CAB39: variants seen among roughly 807,000 people sequenced by gnomAD.
CAB39 encodes the protein calcium-binding protein 39.
In CAB39, 8 loss-of-function variants were observed where a neutral mutation model predicts 40.0. The observed-to-expected ratio is 0.20, with a 90% CI of 0.12 to 0.36. CAB39 has a LOEUF of 0.36. Among genes scored for constraint, CAB39 ranks in the 10% least tolerant of loss-of-function variants. CAB39 has a pLI of 1.00. For synonymous variants in CAB39, 156 were observed against 141.6 expected, an observed-to-expected ratio of 1.10 and a Z score of -0.72; for missense variants, 270 against 401.1, an observed-to-expected ratio of 0.67 and a Z score of 2.79.
At chr2:230,773,788 T>C (rs73995145) in intron 2 of CAB39, among the ~76,000 whole-genome samples, 9,058 of 152,148 alleles carry the variant, frequency 0.06, 911 homozygotes, top group African/African-American at 0.2. Context: ...TGGCAGGAGG[T>C]AGAATTCAGA....
chr2:230,771,165 GAC>G (rs1695476357), intron 2 of CAB39, among the ~76,000 whole-genome samples: 1 of 152,132 alleles, frequency 6.6e-6, no homozygotes, highest in South Asian at 2.1e-4. Flanking sequence ...ACAACTAGTA[GAC>G]TAGTAAATAA....
At chr2:230,787,849 A>G (rs1227702470) in intron 2 of CAB39, among the ~76,000 whole-genome samples, 1 of 152,210 alleles carries the variant, frequency 6.6e-6, no homozygotes, top group Non-Finnish European at 1.5e-5. Flanking sequence ...TGTGGAAGAG[A>G]AGTTAAAATA....
intron 2 of CAB39, among the ~76,000 whole-genome samples, chr2:230,786,423 C>T (rs1026651224): frequency 2.0e-5 from 3 of 152,108 alleles, no homozygotes; most frequent in Non-Finnish European, 4.4e-5. Flanking sequence ...ATAGTTCACC[C>T]ATTTGAAGGG....
chr2:230,751,171 T>G (rs953568411), intron 1 of CAB39, among the ~76,000 whole-genome samples: 1 of 152,372 alleles, frequency 6.6e-6, no homozygotes, highest in African/African-American at 2.4e-5. Flanking sequence ...AACTATCTTA[T>G]GATGTGTGGG....
intron 3 of CAB39, among the ~76,000 whole-genome samples, 200 bp downstream of exon 3, chr2:230,791,236 G>T (rs1340595894): frequency 6.6e-6 from 1 of 152,124 alleles, no homozygotes; most frequent in African/African-American, 2.4e-5. Flanking sequence ...TTGGGACAGG[G>T]TTCTTCCCTG....
At chr2:230,723,431 C>G (rs114885631) in intron 1 of CAB39, among the ~76,000 whole-genome samples, 6 of 152,254 alleles carry the variant, frequency 3.9e-5, no homozygotes, top group Admixed American at 6.5e-5. Context: ...GGAAGACAAG[C>G]AAGTCTCTGA....
intron 1 of CAB39, among the ~76,000 whole-genome samples, chr2:230,748,826 AAAAAAATAT>A (rs1285121893): frequency 3.6e-3 from 256 of 70,414 alleles, no homozygotes; most frequent in African/African-American, 0.015. Flanking sequence ...AAAAAAAAAA[AAAAAAATAT>A]ATATATATAT....
At chr2:230,754,767 C>T (rs142967524) in intron 1 of CAB39, among the ~76,000 whole-genome samples, 6 of 152,334 alleles carry the variant, frequency 3.9e-5, no homozygotes, top group Non-Finnish European at 7.4e-5. Context: ...GATACACCTG[C>T]CTTGGCCTCC....
chr2:230,818,670 G>A lies in CAB39; in HGVS notation c.992G>A (p.Arg331Lys). The change falls in exon 9 of 9, where the codon AGG (arginine) becomes AAG (lysine). Residue 331 changes from arginine to lysine, a missense_variant. Physicochemically the swap from Arg to Lys is conservative, Grantham distance 26. Coordinates refer to ENST00000258418, the MANE Select transcript of CAB39 (RefSeq NM_016289.4). The part of the protein sequence containing the change: ...DEKTYLVKQI[R>K]DLKRPAQQEA ...AAGACCTATTTAGTTAAACAGATCAGGGATTTGAAGAGACCAGCTCAGCAA... is the reference window on the plus strand; with the variant it reads ...AAGACCTATTTAGTTAAACAGATCAAGGATTTGAAGAGACCAGCTCAGCAA... 1 of 1,614,104 alleles carries A rather than the reference G, an allele frequency of 6.2e-7. No homozygotes were observed. The highest frequency in any genetic ancestry group is 1.3e-5 in the African/African-American group (1 of 75,036).
intron 1 of CAB39, among the ~76,000 whole-genome samples, chr2:230,738,005 C>A (rs1694816243): frequency 6.6e-6 from 1 of 152,186 alleles, no homozygotes; most frequent in Admixed American, 6.5e-5. Flanking sequence ...CCCATCAGAG[C>A]TTGACGAAAT....
chr2:230,793,604 G>A (rs1695927643), intron 4 of CAB39, among the ~76,000 whole-genome samples: 1 of 152,094 alleles, frequency 6.6e-6, no homozygotes, highest in Non-Finnish European at 1.5e-5. Flanking sequence ...ATAATTCTCT[G>A]TGGTCTTATT....
chr2:230,788,055 A>G (rs980985163), intron 2 of CAB39, among the ~76,000 whole-genome samples: 2 of 152,228 alleles, frequency 1.3e-5, no homozygotes, highest in African/African-American at 2.4e-5. Context: ...CCATGAGACT[A>G]TATGATCCTC....
chr2:230,804,274 T>A (rs1179324371), intron 5 of CAB39, among the ~76,000 whole-genome samples: 2 of 152,210 alleles, frequency 1.3e-5, no homozygotes, highest in African/African-American at 4.8e-5. Context: ...GACTTAAATG[T>A]TAGACCTAAA....
At chr2:230,789,017 C>T (rs1575948239) in intron 2 of CAB39, among the ~76,000 whole-genome samples, 1 of 152,300 alleles carries the variant, frequency 6.6e-6, no homozygotes, top group South Asian at 2.1e-4. Context: ...GCTGCAGTTA[C>T]ACATCTGTGA....
rs187170669 is a variant in CAB39, at chr2:230,806,519, A to T, written c.568-3744A>T. 3.3e-5 allele frequency among the ~76,000 whole-genome samples: 5 copies of T among 152,330 alleles called. No individual in the cohort carries two copies. The East Asian group carries it at 9.6e-4, about 29-fold the overall frequency. Reference sequence around the variant, plus strand: ...GACAAATAGATGACTTTCAGAAGACAGTAGATGGTGAGGGGGACTCAGAAC... The same window carrying T: ...GACAAATAGATGACTTTCAGAAGACTGTAGATGGTGAGGGGGACTCAGAAC... On this transcript the variant is annotated intron_variant, in intron 5 of 8. Transcript: ENST00000258418.
intron 1 of CAB39, among the ~76,000 whole-genome samples, chr2:230,754,340 CT>C: frequency 2.6e-5 from 2 of 75,828 alleles, no homozygotes; most frequent in African/African-American, 2.3e-4. Context: ...TTCTTCCTTC[CT>C]CTTCTTCCTT....
chr2:230,753,699 G>A (rs538447020), intron 1 of CAB39, among the ~76,000 whole-genome samples: 4 of 143,862 alleles, frequency 2.8e-5, no homozygotes, highest in South Asian at 2.2e-4. Flanking sequence ...AGCTGAGATC[G>A]CACCACTGCA....
At chr2:230,769,205 A>G (rs182844382) in intron 2 of CAB39, among the ~76,000 whole-genome samples, 210 of 152,372 alleles carry the variant, frequency 1.4e-3, no homozygotes, top group African/African-American at 4.8e-3. Flanking sequence ...TCCAACAGAT[A>G]TAATAATTCT....
chr2:230,772,004 C>CT (rs771792454), intron 2 of CAB39, among the ~76,000 whole-genome samples: 2 of 152,016 alleles, frequency 1.3e-5, no homozygotes, highest in Admixed American at 6.6e-5. Flanking sequence ...TCTTTGTGAC[C>CT]TTGGGTTAGG....
Sources: gnomAD v4.1 joint callset for allele counts (sites outside exome capture counted in the v4.1 genomes callset) on GRCh38, gnomAD v4.1.1 for gene constraint, MANE v1.5 for transcripts, NCBI Gene and HGNC (gene_info 2026-07-23, HGNC 2026-07-21) for gene names.